The following CNTN5 variants were observed in gnomAD, a reference collection of about 807,000 sequenced individuals.
CNTN5 encodes the protein contactin-5.
CNTN5 carries 77 observed loss-of-function variants against 129.1 expected under a neutral mutation model. That is an observed-to-expected ratio of 0.60 (90% CI 0.50 to 0.72). CNTN5 has a LOEUF of 0.72. Ranked by LOEUF, CNTN5 falls within the 30% of genes least tolerant of loss-of-function variation. CNTN5 has a pLI of 0.00. For synonymous variants in CNTN5, 509 were observed against 465.6 expected (o/e 1.09, Z -1.20); for missense variants, 1,478 against 1,328.8 (o/e 1.11, Z -1.75).
intron 2 of CNTN5, among the ~76,000 whole-genome samples, chr11:99,476,998 A>T (rs889013911): frequency 6.6e-6 from 1 of 151,714 alleles, no homozygotes; most frequent in African/African-American, 2.4e-5. Flanking sequence ...TTTTCTTACC[A>T]TCTCTCCAGT....
At chr11:99,724,070 T>C (rs72985837) in intron 3 of CNTN5, among the ~76,000 whole-genome samples, 7,102 of 152,278 alleles carry the variant, frequency 0.047, 150 homozygotes, top group Non-Finnish European at 0.053. Context: ...ACACACGTAC[T>C]CTTCAATCAA....
chr11:99,369,705 A>T (rs1729796344), intron 2 of CNTN5, among the ~76,000 whole-genome samples: 3 of 152,152 alleles, frequency 2.0e-5, no homozygotes, highest in African/African-American at 7.2e-5. Flanking sequence ...CATAGTCCTT[A>T]TTATTTTTCC....
At chr11:99,513,264 G>A (rs1946909345) in intron 2 of CNTN5, among the ~76,000 whole-genome samples, 1 of 152,160 alleles carries the variant, frequency 6.6e-6, no homozygotes, top group Non-Finnish European at 1.5e-5. Flanking sequence ...AAAGTTTGAA[G>A]ATAGCAGACG....
chr11:99,562,919 C>G (rs1472875893), intron 3 of CNTN5, among the ~76,000 whole-genome samples: 1 of 151,916 alleles, frequency 6.6e-6, no homozygotes, highest in Non-Finnish European at 1.5e-5. Flanking sequence ...GGAAGATGAC[C>G]GAGCTAAAAG....
intron 1 of CNTN5, among the ~76,000 whole-genome samples, chr11:99,230,661 G>A (rs886912362): frequency 6.6e-6 from 1 of 151,994 alleles, no homozygotes; most frequent in South Asian, 2.1e-4. Context: ...AATCTTATAC[G>A]ATTTTATTTT....
chr11:99,988,208 G>T (rs1227597476), intron 8 of CNTN5, among the ~76,000 whole-genome samples: 1 of 152,238 alleles, frequency 6.6e-6, no homozygotes, highest in African/African-American at 2.4e-5. Flanking sequence ...CAGCAGGAAT[G>T]CTGGCATTCT....
At position 100,132,173 on chromosome 11, in the gene CNTN5, T is replaced by C. The variant is rs112770038; in HGVS notation, c.1580+57879T>C. Among the ~76,000 whole-genome samples, 1,209 of 152,228 alleles carry C rather than the reference T, an allele frequency of 7.9e-3. 20 individuals carry two copies. Among genetic ancestry groups the C allele is most frequent in the African/African-American group, 0.028 (1,168 of 41,542 alleles). On this transcript the variant is annotated intron_variant, in intron 13 of 24. Transcript: ENST00000524871. ...GACCTCATTAGACAACTTCTCTCAT[T>C]AGACTGAGAACTCTTTGAGGGCCAA...
At chr11:99,548,042 A>G (rs1948358921) in intron 2 of CNTN5, among the ~76,000 whole-genome samples, 1 of 152,344 alleles carries the variant, frequency 6.6e-6, no homozygotes, top group African/African-American at 2.4e-5. Flanking sequence ...AGTACCTGGC[A>G]GGTAATAACA....
rs916176294 is a variant in CNTN5 at position 99,414,856 on chromosome 11, G to A, written c.-71+89372G>A. On this transcript the variant is annotated intron_variant, in intron 2 of 24. Coordinates refer to ENST00000524871, the MANE Select transcript of CNTN5 (RefSeq NM_014361.4). ...TGGCAGACAATCAAACGGGTGGTCAGAGTAAGGATACTGAATATAGTTTAA... is the reference window on the plus strand; with the variant it reads ...TGGCAGACAATCAAACGGGTGGTCAAAGTAAGGATACTGAATATAGTTTAA... Among the ~76,000 whole-genome samples, 5 of 152,320 alleles carry A rather than the reference G, an allele frequency of 3.3e-5. No individual in the cohort carries two copies. In the East Asian group the frequency reaches 5.8e-4, roughly 18 times the overall value.
At chr11:99,573,125 G>A (rs1157272922) in intron 3 of CNTN5, among the ~76,000 whole-genome samples, 2 of 151,364 alleles carry the variant, frequency 1.3e-5, no homozygotes, top group Non-Finnish European at 2.9e-5. Context: ...TTAAAATGAA[G>A]TATGTTGCCA....
chr11:100,287,463 A>G (rs999504003), intron 18 of CNTN5, among the ~76,000 whole-genome samples: 1 of 148,706 alleles, frequency 6.7e-6, no homozygotes, highest in African/African-American at 2.5e-5. Context: ...CAACATTCTT[A>G]AAGGAAAGAA....
intron 13 of CNTN5, among the ~76,000 whole-genome samples, chr11:100,102,635 TTTG>T (rs1263796620): frequency 1.3e-5 from 2 of 152,068 alleles, no homozygotes; most frequent in African/African-American, 4.8e-5. Context: ...TAATTTAGAA[TTTG>T]TTAAGAATCT....
chr11:99,738,411 A>G (rs919866316), intron 3 of CNTN5, among the ~76,000 whole-genome samples: 4 of 152,114 alleles, frequency 2.6e-5, no homozygotes, highest in African/African-American at 9.7e-5. Context: ...TGTTTAAGCC[A>G]CCCAGTCTGT....
Position 100,136,203 on chromosome 11 carries a change from T to A in CNTN5, c.1581-54923T>A, listed in dbSNP as rs557223277. Among the ~76,000 whole-genome samples the A allele has an allele frequency of 1.8e-4, 27 of 152,154 alleles. 1 individual carries two copies. In the East Asian group the frequency reaches 4.8e-3, roughly 27 times the overall value. ...AGAACAACCATCAGCATAACACTGG[T>A]CTTGGGAATTTGAAATACTTTGTCC... On this transcript the variant is annotated intron_variant, in intron 13 of 24. Transcript: ENST00000524871.
chr11:100,183,088 G>A (rs73562435), intron 13 of CNTN5, among the ~76,000 whole-genome samples: 3,953 of 152,206 alleles, frequency 0.026, 167 homozygotes, highest in African/African-American at 0.091. Flanking sequence ...TGTTATGATA[G>A]CTAAAATAAA....
chr11:99,356,123 G>C (rs1173174671), intron 2 of CNTN5, among the ~76,000 whole-genome samples: 2 of 152,014 alleles, frequency 1.3e-5, no homozygotes, highest in African/African-American at 4.8e-5. Flanking sequence ...ACCGCGCCCG[G>C]CCTCTGTCAT....
intron 2 of CNTN5, among the ~76,000 whole-genome samples, chr11:99,535,963 G>A (rs1025599975): frequency 8.6e-5 from 13 of 151,984 alleles, no homozygotes; most frequent in African/African-American, 2.2e-4. Context: ...AATATTGATC[G>A]TTGGTGGGTT....
At chr11:100,116,330 A>G (rs897533321) in intron 13 of CNTN5, among the ~76,000 whole-genome samples, 2 of 152,038 alleles carry the variant, frequency 1.3e-5, no homozygotes, top group Admixed American at 6.6e-5. Context: ...CAGTTAAGCA[A>G]AAAGAAGTCG....
At chr11:100,230,163 A>T (rs1323093216) in intron 16 of CNTN5, among the ~76,000 whole-genome samples, 1 of 152,174 alleles carries the variant, frequency 6.6e-6, no homozygotes, top group African/African-American at 2.4e-5. Flanking sequence ...ATTTTTCAAT[A>T]TTTTTGAAAA....
Sources: allele counts gnomAD v4.1 joint callset (sites outside exome capture counted in the v4.1 genomes callset), GRCh38; gene constraint gnomAD v4.1.1; transcripts MANE v1.5; gene names NCBI Gene and HGNC (gene_info 2026-07-23, HGNC 2026-07-21).